The following ITGA8 variants were observed in gnomAD, a reference collection of about 807,000 sequenced individuals.
The protein encoded by ITGA8 is integrin subunit alpha 8, also known as integrin alpha-8.
ITGA8 carries 91 observed loss-of-function variants against 142.3 expected under a neutral mutation model. The ratio of observed to expected loss-of-function variants is 0.64; its 90% confidence interval spans 0.54 to 0.76. The LOEUF (loss-of-function observed/expected upper bound fraction) is 0.76. Ranked by LOEUF, ITGA8 falls within the 30% of genes least tolerant of loss-of-function variation. ITGA8 has a pLI of 0.00. For synonymous variants in ITGA8, 505 were observed against 485.2 expected (o/e 1.04, Z -0.54); for missense variants, 1,406 against 1,327.7 (o/e 1.06, Z -0.92).
Position 15,687,953 on chromosome 10 carries a change from G to C in ITGA8, c.429C>G (p.His143Gln). The stretch of plus-strand genomic sequence containing the variant: ...TCATACTCACCACAACTTTTCCTTT[G>C]TGAGCTTTCACTGTTGCTCCAAACC... ...NQWFGATVKAHKGKVVACAPL... is the reference protein window; with the variant it reads ...NQWFGATVKAQKGKVVACAPL... Residue 143 changes from histidine to glutamine, a missense_variant, in exon 3 of 30, where the codon CAC becomes CAG. Coordinates refer to ENST00000378076, the MANE Select transcript of ITGA8 (RefSeq NM_003638.3). 1 of 1,610,788 alleles carries C rather than the reference G, an allele frequency of 6.2e-7. No homozygotes were observed. The highest frequency in any genetic ancestry group is 1.1e-5 in the South Asian group (1 of 91,008).
chr10:15,615,252 A>G (rs1375627042), intron 14 of ITGA8, among the ~76,000 whole-genome samples: 2 of 152,202 alleles, frequency 1.3e-5, no homozygotes, highest in Non-Finnish European at 2.9e-5. Flanking sequence ...CAAGCCCCAT[A>G]CTTCAGACAC....
At chr10:15,689,382 G>A (rs1834891401) in intron 2 of ITGA8, among the ~76,000 whole-genome samples, 1 of 152,210 alleles carries the variant, frequency 6.6e-6, no homozygotes, top group African/African-American at 2.4e-5. Flanking sequence ...GATGGCCGCA[G>A]AGAGAAGTGA....
chr10:15,644,470 A>G (rs866597395), intron 12 of ITGA8, among the ~76,000 whole-genome samples: 441 of 17,692 alleles, frequency 0.025, 22 homozygotes, highest in Middle Eastern at 0.083. Flanking sequence ...ATATATATAT[A>G]TATATATATA....
Position 15,597,260 on chromosome 10 carries a change from C to T in ITGA8, c.2158G>A (p.Val720Ile), listed in dbSNP as rs1348783252. ...PLSCEYKMEN[V>I]TRMVVCDLGN... ...AGGTCACACACCACCATCCTGGTTA[C>T]ATTTTCCATCTTGTACTCACAGCTC... is the stretch of plus-strand genomic sequence containing the variant. The change falls in exon 21 of 30, where the codon GTA (valine) becomes ATA (isoleucine). Residue 720 changes from valine to isoleucine, a missense_variant. Val to Ile is a conservative substitution (Grantham distance 29, BLOSUM62 3). Transcript: ENST00000378076. 6 of 1,614,084 alleles carry T rather than the reference C, an allele frequency of 3.7e-6. No homozygotes were observed. Among genetic ancestry groups the T allele is most frequent in the Admixed American group, 3.3e-5 (2 of 60,010 alleles).
At chr10:15,631,654 G>A (rs1209270848) in intron 13 of ITGA8, among the ~76,000 whole-genome samples, 1 of 151,122 alleles carries the variant, frequency 6.6e-6, no homozygotes, top group Non-Finnish European at 1.5e-5. Context: ...ACCATGGCAC[G>A]GGCATGCCTA....
intron 21 of ITGA8, among the ~76,000 whole-genome samples, chr10:15,595,623 C>T (rs772804298): frequency 6.6e-6 from 1 of 152,150 alleles, no homozygotes; most frequent in Non-Finnish European, 1.5e-5. Context: ...AGTTTTGTTC[C>T]AAGATTATCC....
At chr10:15,642,456 G>T (rs569372067) in intron 13 of ITGA8, among the ~76,000 whole-genome samples, 1 of 152,216 alleles carries the variant, frequency 6.6e-6, no homozygotes, top group South Asian at 2.1e-4. Context: ...CTTTCTAATT[G>T]TTTACCTAAA....
At position 15,714,098 on chromosome 10, in the gene ITGA8, C is replaced by A. The variant is rs528843114; in HGVS notation, c.343+4668G>T. Among the ~76,000 whole-genome samples, 4 of 152,276 alleles carry A rather than the reference C, an allele frequency of 2.6e-5. No individual in the cohort carries two copies. The South Asian group carries it at 8.3e-4, about 32-fold the overall frequency. ...TATCATAATTAATTAGCACACATCA[C>A]CTTTTTCCTCAAACATTTTACTTGA... On this transcript the variant is annotated intron_variant, in intron 2 of 29. Coordinates refer to ENST00000378076, the MANE Select transcript of ITGA8 (RefSeq NM_003638.3).
At chr10:15,605,871 C>CACCATT in intron 18 of ITGA8, 80 bp from the exon 19 acceptor site, 1 of 1,289,366 alleles carries the variant, frequency 7.8e-7, no homozygotes, top group Non-Finnish European at 1.1e-6. Context: ...CTGAATGGTG[C>CACCATT]CACAAACGGA....
intron 2 of ITGA8, among the ~76,000 whole-genome samples, chr10:15,713,653 C>T (rs906661209): frequency 2.6e-5 from 4 of 151,978 alleles, no homozygotes; most frequent in Non-Finnish European, 4.4e-5. Flanking sequence ...AAGGGCACAC[C>T]GAACACTATA....
At chr10:15,674,772 T>A (rs1037627306) in intron 6 of ITGA8, among the ~76,000 whole-genome samples, 1 of 151,986 alleles carries the variant, frequency 6.6e-6, no homozygotes, top group East Asian at 1.9e-4. Flanking sequence ...TGAAACCCTG[T>A]CTACTAAAAA....
chr10:15,555,510 C>T (rs367602970), intron 26 of ITGA8, among the ~76,000 whole-genome samples: 47 of 152,278 alleles, frequency 3.1e-4, no homozygotes, highest in African/African-American at 9.9e-4. Context: ...GTCAGTGCAC[C>T]GTGGCACCTC....
At position 15,515,218 on chromosome 10, in the gene ITGA8, A is replaced by C. The variant is rs188691985; in HGVS notation, c.*1940T>G. The C allele has an allele frequency of 1.3e-5, 2 of 152,312 alleles. No individual in the cohort carries two copies. Among genetic ancestry groups the C allele is most frequent in the Non-Finnish European group, 2.9e-5 (2 of 68,076 alleles). 9.4% of individuals were successfully genotyped at this position (152,312 alleles called of 1,614,324 possible). On this transcript the variant is annotated 3_prime_UTR_variant, in exon 30 of 30. Coordinates refer to ENST00000378076, the MANE Select transcript of ITGA8 (RefSeq NM_003638.3). The stretch of plus-strand genomic sequence containing the variant: ...AGCTCTACCTGGAAGACTAACACCA[A>C]AGACCCCCAGAGGCTGGTGTGGACA...
In ITGA8 at chr10:15,662,077, T is replaced by C. The variant is rs185315067; in HGVS notation, c.848-1155A>G. ...CCCACAAACATCGGGAATTTTGTTT[T>C]TAAAGTATCAGTCTCCCACCCAGTA... On this transcript the variant is annotated intron_variant, in intron 8 of 29. Coordinates refer to ENST00000378076, the MANE Select transcript of ITGA8 (RefSeq NM_003638.3). 3.9e-5 allele frequency among the ~76,000 whole-genome samples: 6 copies of C among 152,244 alleles called. No homozygotes were observed. In the East Asian group the frequency reaches 1.2e-3, roughly 29 times the overall value.
intron 25 of ITGA8, among the ~76,000 whole-genome samples, chr10:15,568,418 C>T (rs1834115226): frequency 1.3e-5 from 2 of 152,224 alleles, no homozygotes; most frequent in South Asian, 4.1e-4. Flanking sequence ...CTTATAAAAG[C>T]AGTCAGTGTC....
chr10:15,586,000 CTGGTTTTTAT>C (rs1371242900), intron 23 of ITGA8, among the ~76,000 whole-genome samples: 3 of 146,564 alleles, frequency 2.0e-5, no homozygotes. Flanking sequence ...TTCTTATCAG[CTGGTTTTTAT>C]AGTTTGATTA....
rs186900133 is a variant in ITGA8 at position 15,535,868 on chromosome 10, C to T, written c.2881-4717G>A. 5.4e-3 allele frequency among the ~76,000 whole-genome samples: 823 copies of T among 152,262 alleles called. 6 individuals carry two copies. Among genetic ancestry groups the T allele is most frequent in the African/African-American group, 0.019 (804 of 41,546 alleles). Reference sequence around the variant, plus strand: ...TGCTGCTGCTCCCTCTTTGGGTCCACGCTGCCTTTATGAGCTGTAACACTC... The same window carrying T: ...TGCTGCTGCTCCCTCTTTGGGTCCATGCTGCCTTTATGAGCTGTAACACTC... On this transcript the variant is annotated intron_variant, in intron 27 of 29. Coordinates refer to ENST00000378076, the MANE Select transcript of ITGA8 (RefSeq NM_003638.3).
intron 2 of ITGA8, among the ~76,000 whole-genome samples, chr10:15,713,647 GC>G (rs1835399978): frequency 6.6e-6 from 1 of 151,990 alleles, no homozygotes; most frequent in Non-Finnish European, 1.5e-5. Context: ...GAGAAAAAGG[GC>G]ACACCGAACA....
chr10:15,553,054 T>C (rs1833820451), intron 26 of ITGA8, among the ~76,000 whole-genome samples: 1 of 152,120 alleles, frequency 6.6e-6, no homozygotes, highest in African/African-American at 2.4e-5. Context: ...GTCAGGAGTT[T>C]GAGACCAGCG....
Sources: allele counts gnomAD v4.1 joint callset (sites outside exome capture counted in the v4.1 genomes callset), GRCh38; gene constraint gnomAD v4.1.1; transcripts MANE v1.5; gene names NCBI Gene and HGNC (gene_info 2026-07-23, HGNC 2026-07-21).